Variants in GANC observed in about 807,000 individuals in gnomAD.
GANC encodes neutral alpha-glucosidase C.
Under a neutral mutation model 124.2 loss-of-function variants are expected in GANC, and 117 were observed. The ratio of observed to expected loss-of-function variants is 0.94; its 90% CI spans 0.81 to 1.10. The LOEUF (loss-of-function observed/expected upper bound fraction) is 1.10, where lower values mean the gene tolerates loss of function less well. GANC is among the 50% of genes least tolerant of loss of function. The probability of loss-of-function intolerance (pLI) is 0.00; values close to 1 mark genes in which losing one functional copy is unlikely to be tolerated. For missense variants in GANC, 1,140 were observed against 1,095.0 expected, an observed-to-expected ratio of 1.04 and a Z score of -0.58; for synonymous variants, 377 against 376.8, an observed-to-expected ratio of 1.00 and a Z score of -0.01.
intron 15 of GANC, among the ~76,000 whole-genome samples, chr15:42,335,648 G>A (rs976105502): frequency 1.3e-5 from 2 of 152,160 alleles, no homozygotes; most frequent in East Asian, 1.9e-4. Flanking sequence ...GAAATAAAGT[G>A]CATCCAGATA....
At chr15:42,339,616 T>C in intron 16 of GANC, 53 bp from the exon 17 acceptor site, 1 of 1,590,102 alleles carries the variant, frequency 6.3e-7, no homozygotes, top group Non-Finnish European at 8.6e-7. Flanking sequence ...TTTCCCTGTG[T>C]GCATCATTTA....
intron 13 of GANC, among the ~76,000 whole-genome samples, chr15:42,328,263 C>G (rs1230247483): frequency 1.3e-5 from 2 of 152,152 alleles, no homozygotes; most frequent in African/African-American, 4.8e-5. Context: ...TGGGCCAAAT[C>G]TGGCCATGCC....
At chr15:42,315,547 A>G (rs763899046) in intron 10 of GANC, among the ~76,000 whole-genome samples, 6 of 152,236 alleles carry the variant, frequency 3.9e-5, no homozygotes, top group Admixed American at 6.5e-5. Flanking sequence ...GAAATGTAAA[A>G]TGGTTCAGCC....
At chr15:42,340,854 C>T (rs1305921893) in intron 18 of GANC, 100 bp downstream of exon 18, 2 of 896,570 alleles carry the variant, frequency 2.2e-6, no homozygotes, top group Admixed American at 2.6e-5. Context: ...GCAACCTCCG[C>T]CTCCCGGTTT....
chr15:42,281,900 G>A (rs377044310), intron 3 of GANC, among the ~76,000 whole-genome samples: 9 of 151,856 alleles, frequency 5.9e-5, no homozygotes, highest in African/African-American at 1.9e-4. Context: ...TTAAATTCCT[G>A]TTTAGGCCAG....
At position 42,306,243 on chromosome 15, in the gene GANC, T is replaced by G. The variant is rs184322279; in HGVS notation, c.559-303T>G. On this transcript the variant is annotated intron_variant, in intron 6 of 23. Transcript: ENST00000318010. ...AGTTGCACAGCAATGTGAATGTACT[T>G]AAAGCCACTGAACCTGAACTTTATA... Among the ~76,000 whole-genome samples the G allele has an allele frequency of 1.6e-3, 240 of 152,296 alleles. 1 individual carries two copies. Among genetic ancestry groups the G allele is most frequent in the Non-Finnish European group, 7.6e-4 (52 of 68,022 alleles).
intron 1 of GANC, among the ~76,000 whole-genome samples, chr15:42,275,630 A>G (rs182649738): frequency 3.8e-4 from 58 of 152,160 alleles, no homozygotes; most frequent in African/African-American, 1.4e-3. Context: ...GATGGAGGCT[A>G]GTTTAAATAC....
intron 6 of GANC, 22 bp downstream of exon 6, chr15:42,297,678 ATTG>A: frequency 6.4e-7 from 1 of 1,562,588 alleles, no homozygotes; most frequent in Non-Finnish European, 8.8e-7. Flanking sequence ...TGATCCATTT[ATTG>A]TTATCTTTTT....
chr15:42,310,952 C>T, intron 10 of GANC, 106 bp downstream of exon 10: 1 of 1,234,614 alleles, frequency 8.1e-7, no homozygotes. Flanking sequence ...GAGTTTATAA[C>T]TTACCCAAGC....
chr15:42,278,868 G>T (rs994023850), intron 3 of GANC, among the ~76,000 whole-genome samples: 2 of 152,058 alleles, frequency 1.3e-5, no homozygotes, highest in Non-Finnish European at 2.9e-5. Flanking sequence ...AGTGGTGTAT[G>T]CCTGTAGTCC....
chr15:42,327,512 TA>T, intron 13 of GANC, 70 bp downstream of exon 13: 1 of 1,212,300 alleles, frequency 8.2e-7, no homozygotes, highest in Non-Finnish European at 1.2e-6. Context: ...AGTGATTGAA[TA>T]AAACTATTCT....
At chr15:42,328,170 C>T (rs766388690) in intron 13 of GANC, among the ~76,000 whole-genome samples, 3 of 152,152 alleles carry the variant, frequency 2.0e-5, no homozygotes, top group Non-Finnish European at 1.5e-5. Context: ...GCCCTAAGCC[C>T]AGCTTTTAAC....
chr15:42,342,909 T>A (rs182512635), intron 18 of GANC, among the ~76,000 whole-genome samples, 169 bp from the exon 19 acceptor site: 13,093 of 152,280 alleles, frequency 0.086, 646 homozygotes, highest in South Asian at 0.18. Flanking sequence ...GCCCTCTTTC[T>A]ATCAGTGCAT....
chr15:42,336,859 GT>G (rs2052287162), intron 15 of GANC, among the ~76,000 whole-genome samples: 1 of 152,130 alleles, frequency 6.6e-6, no homozygotes, highest in African/African-American at 2.4e-5. Flanking sequence ...AGACATACAT[GT>G]GGCCAACAAG....
chr15:42,316,847 G>A (rs1237475827), intron 10 of GANC, among the ~76,000 whole-genome samples: 1 of 152,184 alleles, frequency 6.6e-6, no homozygotes, highest in East Asian at 1.9e-4. Flanking sequence ...CCCTTATGCG[G>A]GCATGACAGA....
At chr15:42,344,073 G>T (rs149941279) in intron 19 of GANC, among the ~76,000 whole-genome samples, 2 of 152,240 alleles carry the variant, frequency 1.3e-5, no homozygotes, top group African/African-American at 4.8e-5. Flanking sequence ...CAGGTGCTGG[G>T]CTGGCAACCC....
chr15:42,339,305 A>AACACAC lies in GANC; in HGVS notation c.1844-316_1844-311dup, dbSNP rs60116980. On this transcript the variant is annotated intron_variant, in intron 16 of 23. Coordinates refer to ENST00000318010, the MANE Select transcript of GANC (RefSeq NM_198141.3). ...AATCAGTTGCCAACCACCCCCCTCC[A>AACACAC]ACACACACACACACACACACACACA... Among the ~76,000 whole-genome samples the AACACAC allele has an allele frequency of 9.0e-3, 1,077 of 119,238 alleles. 14 individuals are homozygous for AACACAC. Among genetic ancestry groups the AACACAC allele is most frequent in the African/African-American group, 0.016 (486 of 31,166 alleles). The allele number at this position is 119,238 out of a possible 152,430, so 78.2% of individuals were successfully genotyped here.
At chr15:42,300,626 C>G (rs925681623) in intron 6 of GANC, among the ~76,000 whole-genome samples, 1 of 152,112 alleles carries the variant, frequency 6.6e-6, no homozygotes, top group Non-Finnish European at 1.5e-5. Flanking sequence ...ATAAATCATT[C>G]TACTATAAAG....
At chr15:42,278,222 A>G (rs2051695330) in intron 2 of GANC, 2 of 256,900 alleles carry the variant, frequency 7.8e-6, no homozygotes, top group South Asian at 1.0e-4. Flanking sequence ...TTGCCCCACC[A>G]TCTCAAGAAA....
Sources: gnomAD v4.1 joint callset for allele counts (sites outside exome capture counted in the v4.1 genomes callset) on GRCh38, gnomAD v4.1.1 for gene constraint, MANE v1.5 for transcripts, NCBI Gene and HGNC (gene_info 2026-07-23, HGNC 2026-07-21) for gene names.